ADGRB3: variants seen among roughly 807,000 people sequenced by gnomAD.
ADGRB3 encodes adhesion G protein-coupled receptor B3.
Under a neutral mutation model 193.4 loss-of-function variants are expected in ADGRB3, and 37 were observed. The observed-to-expected ratio is 0.19, with a 90% CI of 0.15 to 0.25. ADGRB3 has a LOEUF of 0.25. ADGRB3 is among the 10% of genes least tolerant of loss of function. The pLI is 1.00. For missense variants in ADGRB3, 1,637 were observed against 1,852.9 expected (o/e 0.88, Z 2.14); for synonymous variants, 690 against 644.2 (o/e 1.07, Z -1.08).
intron 13 of ADGRB3, among the ~76,000 whole-genome samples, chr6:69,042,602 A>G (rs1582416457): frequency 6.6e-6 from 1 of 152,216 alleles, no homozygotes; most frequent in East Asian, 1.9e-4. Context: ...GGATACACTA[A>G]CAAAACAAAT....
chr6:68,969,670 G>A (rs1189514746), intron 8 of ADGRB3, among the ~76,000 whole-genome samples: 1 of 152,178 alleles, frequency 6.6e-6, no homozygotes, highest in Non-Finnish European at 1.5e-5. Flanking sequence ...AACTCAGAAA[G>A]CAAGCATCAT....
chr6:69,052,134 C>T (rs535840102), intron 15 of ADGRB3, among the ~76,000 whole-genome samples: 4 of 152,104 alleles, frequency 2.6e-5, no homozygotes, highest in Admixed American at 6.5e-5. Flanking sequence ...GTGATCTGCC[C>T]GCCTCGGCCT....
intron 3 of ADGRB3, among the ~76,000 whole-genome samples, chr6:68,925,148 T>C (rs546141584): frequency 9.9e-5 from 15 of 152,078 alleles, no homozygotes; most frequent in Admixed American, 9.2e-4. Flanking sequence ...CACTTGGCTA[T>C]ATAGGTACTA....
At chr6:69,043,321 A>AAAGAAAGGAAGGAAGG (rs1554252099) in intron 13 of ADGRB3, among the ~76,000 whole-genome samples, 2 of 51,926 alleles carry the variant, frequency 3.9e-5, no homozygotes, top group African/African-American at 1.6e-4. Context: ...AGAAAGAAAG[A>AAAGAAAGGAAGGAAGG]AAGAAAGAAA....
chr6:69,071,827 G>C (rs1213536231), intron 16 of ADGRB3, among the ~76,000 whole-genome samples: 1 of 152,068 alleles, frequency 6.6e-6, no homozygotes, highest in Non-Finnish European at 1.5e-5. Context: ...TACTTCTACA[G>C]ATTAGTACTT....
intron 17 of ADGRB3, among the ~76,000 whole-genome samples, chr6:69,129,657 T>A (rs1384069222): frequency 1.3e-5 from 2 of 152,164 alleles, no homozygotes; most frequent in Admixed American, 6.5e-5. Context: ...CTTCCCAGGT[T>A]ACACACACTG....
chr6:68,796,711 C>T (rs908994118), intron 3 of ADGRB3, among the ~76,000 whole-genome samples: 7 of 151,964 alleles, frequency 4.6e-5, no homozygotes, highest in East Asian at 1.9e-4. Flanking sequence ...GCAATCAGTC[C>T]GGGAACTGTA....
At chr6:68,994,930 AAGACTTTTT>A (rs2150275740) in intron 11 of ADGRB3, among the ~76,000 whole-genome samples, 1 of 152,140 alleles carries the variant, frequency 6.6e-6, no homozygotes, top group East Asian at 1.9e-4. Context: ...AGAGGAAAAC[AAGACTTTTT>A]AGAATCATGG....
chr6:68,956,664 G>A lies in ADGRB3; in HGVS notation c.1380G>A (p.Gln460=), dbSNP rs1414874380. ...PECTANGQWN[Q]WGHWSGCSKS... Reference sequence around the variant, plus strand: ...TTTCAGCCAATGGTCAATGGAATCAGTGGGGTCATTGGAGTGGTTGTTCCA... The same window carrying A: ...TTTCAGCCAATGGTCAATGGAATCAATGGGGTCATTGGAGTGGTTGTTCCA... The change falls in exon 8 of 32, where the codon CAG becomes CAA. Residue 460 remains glutamine, a synonymous_variant. Transcript: ENST00000370598. 13 of 1,614,044 alleles carry A rather than the reference G, an allele frequency of 8.1e-6. No individual in the cohort carries two copies. The highest frequency in any genetic ancestry group is 1.1e-5 in the Non-Finnish European group (13 of 1,179,972).
intron 3 of ADGRB3, among the ~76,000 whole-genome samples, chr6:68,919,485 T>A (rs1766979384): frequency 1.3e-5 from 2 of 152,170 alleles, no homozygotes; most frequent in African/African-American, 4.8e-5. Flanking sequence ...TGACAGTTAT[T>A]TGCCTAAAAG....
At chr6:68,999,784 C>T (rs930119321) in intron 11 of ADGRB3, among the ~76,000 whole-genome samples, 3 of 152,016 alleles carry the variant, frequency 2.0e-5, no homozygotes, top group Admixed American at 6.6e-5. Flanking sequence ...ATTTTTTAAG[C>T]TCTTTGAGAG....
At chr6:69,313,278 G>A (rs113866934) in intron 20 of ADGRB3, among the ~76,000 whole-genome samples, 1 of 151,822 alleles carries the variant, frequency 6.6e-6, no homozygotes, top group African/African-American at 2.4e-5. Context: ...CCAATGTGCA[G>A]CCAACGTTGG....
At position 69,355,892 on chromosome 6, in the gene ADGRB3, G is replaced by T. The variant is rs769488830; in HGVS notation, c.3595+32G>T. 8 of 1,510,046 alleles carry T rather than the reference G, an allele frequency of 5.3e-6. No individual in the cohort carries two copies. In the South Asian group the frequency reaches 9.1e-5, roughly 17 times the overall value. 93.5% of individuals were successfully genotyped at this position (1,510,046 alleles called of 1,614,324 possible). On this transcript the variant is annotated intron_variant, in intron 28 of 31. Coordinates refer to ENST00000370598, the MANE Select transcript of ADGRB3 (RefSeq NM_001704.3). ...ATATTTAGATTTTGAAATCTAATCA[G>T]TAGGGATGTTCAATCATTTCTATAG...
intron 3 of ADGRB3, among the ~76,000 whole-genome samples, chr6:68,827,658 G>A (rs1448670502): frequency 4.0e-5 from 6 of 151,506 alleles, no homozygotes; most frequent in Admixed American, 3.9e-4. Context: ...TATCTTCAGG[G>A]TTTTTTTTGG....
chr6:68,992,208 T>A (rs764455795), intron 10 of ADGRB3, among the ~76,000 whole-genome samples: 1 of 152,166 alleles, frequency 6.6e-6, no homozygotes, highest in Non-Finnish European at 1.5e-5. Context: ...GAACTAAATA[T>A]GAGTGGTTTT....
intron 17 of ADGRB3, among the ~76,000 whole-genome samples, chr6:69,111,830 C>T (rs535428377): frequency 1.3e-5 from 2 of 152,268 alleles, no homozygotes; most frequent in South Asian, 2.1e-4. Context: ...TAAAAAAACC[C>T]TTCTATGAAA....
chr6:68,796,425 C>T (rs1300324999), intron 3 of ADGRB3, among the ~76,000 whole-genome samples: 2 of 152,112 alleles, frequency 1.3e-5, no homozygotes, highest in African/African-American at 2.4e-5. Flanking sequence ...TTACAAGTAT[C>T]CTCATTATCT....
chr6:69,372,636 T>G (rs1267800511), intron 30 of ADGRB3, among the ~76,000 whole-genome samples, 195 bp downstream of exon 30: 1 of 152,100 alleles, frequency 6.6e-6, no homozygotes, highest in African/African-American at 2.4e-5. Context: ...TTCAAGTATT[T>G]GCTAAACTGA....
chr6:68,798,647 C>T (rs181846846), intron 3 of ADGRB3, among the ~76,000 whole-genome samples: 3 of 152,196 alleles, frequency 2.0e-5, no homozygotes, highest in Admixed American at 6.5e-5. Flanking sequence ...CAAAACTGCA[C>T]GTTCTGCACG....
Sources: allele counts gnomAD v4.1 joint callset (sites outside exome capture counted in the v4.1 genomes callset), GRCh38; gene constraint gnomAD v4.1.1; transcripts MANE v1.5; gene names NCBI Gene and HGNC (gene_info 2026-07-23, HGNC 2026-07-21).